Variants in BAHCC1 observed in about 807,000 individuals in gnomAD.
The protein encoded by BAHCC1 is BAH and coiled-coil domain-containing protein 1.
Under a neutral mutation model 88.2 loss-of-function variants are expected in BAHCC1, and 43 were observed. The observed-to-expected ratio is 0.49, with a 90% confidence interval of 0.38 to 0.63. The LOEUF is 0.63. Ranked by LOEUF, BAHCC1 falls within the 20% of genes least tolerant of loss-of-function variation. BAHCC1 has a pLI of 0.00. For missense variants in BAHCC1, 3,023 were observed against 1,654.8 expected (o/e 1.83, Z -14.34); for synonymous variants, 1,510 against 745.5 (o/e 2.03, Z -16.71).
At chr17:81,458,097 A>G (rs1454820959) in intron 17 of BAHCC1, 68 bp from the exon 18 acceptor site, 1 of 702,990 alleles carries the variant, frequency 1.4e-6, no homozygotes, top group African/African-American at 1.8e-5. Flanking sequence ...GAGGACCGGC[A>G]CAGTCAGCCC....
chr17:81,400,067 T>A (rs2063794680), intron 2 of BAHCC1, 150 bp downstream of exon 2: 1 of 717,140 alleles, frequency 1.4e-6, no homozygotes, highest in Non-Finnish European at 1.9e-6. Flanking sequence ...GGGCCGCGCG[T>A]CCCGCCAGCC....
chr17:81,419,452 C>T (rs918674300), intron 2 of BAHCC1, among the ~76,000 whole-genome samples: 98 of 152,274 alleles, frequency 6.4e-4, no homozygotes, highest in Non-Finnish European at 1.2e-3. Context: ...CCTCCCCTCC[C>T]GTCCTGCACA....
At chr17:81,430,384 G>C (rs2064246935) in intron 3 of BAHCC1, among the ~76,000 whole-genome samples, 1 of 152,112 alleles carries the variant, frequency 6.6e-6, no homozygotes, top group Non-Finnish European at 1.5e-5. Flanking sequence ...GGGGCGGCAG[G>C]CACACACACG....
chr17:81,445,730 C>T (rs1005463552), intron 10 of BAHCC1, 49 bp downstream of exon 10: 23 of 699,578 alleles, frequency 3.3e-5, no homozygotes, highest in African/African-American at 2.6e-4. Context: ...TCCAAGCCCT[C>T]CCACCCCTGC....
At position 81,447,801 on chromosome 17, in the gene BAHCC1, TG is replaced by T; in HGVS notation, c.3931del (p.Ala1311LeufsTer22). ...GIHGIALLSE[L>X]ADLAIQRQRS... ...CATGGGATCGCTCTGCTCAGCGAGC[TG>T]GCTGACCTGGCAATCCAGCGGCAGA... On this transcript the variant is annotated frameshift_variant, in exon 11 of 28. Coordinates refer to ENST00000675386, the MANE Select transcript of BAHCC1 (RefSeq NM_001377448.1). LOFTEE classifies it high-confidence loss of function. 2.7e-6 allele frequency: 2 copies of T among 751,474 alleles called. No individual in the cohort carries two copies. The allele number at this position is 751,474 out of a possible 1,614,324, so 46.6% of individuals were successfully genotyped here. A position where few individuals can be genotyped will look rare whatever the true frequency, so the allele number is the denominator to read the frequency against.
intron 2 of BAHCC1, among the ~76,000 whole-genome samples, chr17:81,425,381 T>C (rs2064171562): frequency 5.4e-4 from 7 of 12,930 alleles, no homozygotes; most frequent in South Asian, 4.0e-3. Context: ...TGGTTGGTGG[T>C]GTGGTTGGTG....
At chr17:81,436,635 C>G (rs1331887253) in intron 3 of BAHCC1, among the ~76,000 whole-genome samples, 1 of 145,198 alleles carries the variant, frequency 6.9e-6, no homozygotes, top group Non-Finnish European at 1.5e-5. Flanking sequence ...CAGCTTTGGT[C>G]GAATCTTCCA....
chr17:81,444,414 C>T lies in BAHCC1; in HGVS notation c.2358C>T (p.Ile786=). 1 of 749,990 alleles carries T rather than the reference C, an allele frequency of 1.3e-6. No individual in the cohort carries two copies. The highest frequency in any genetic ancestry group is 2.5e-6 in the Non-Finnish European group (1 of 404,646). 46.5% of individuals were successfully genotyped at this position (749,990 alleles called of 1,614,324 possible). A position where few individuals can be genotyped will look rare whatever the true frequency, so the allele number is the denominator to read the frequency against. ...DSKDRVEFAR[I]HPPSSCPGDL... is the part of the protein sequence containing the mutation. ...AAGACCGCGTAGAGTTCGCCCGGATCCACCCACCGAGCAGCTGCCCTGGGG... is the reference window on the plus strand; with the variant it reads ...AAGACCGCGTAGAGTTCGCCCGGATTCACCCACCGAGCAGCTGCCCTGGGG... Residue 786 remains isoleucine, a synonymous_variant, in exon 7 of 28, where the codon ATC becomes ATT. Transcript: ENST00000675386.
At chr17:81,398,783 G>A (rs1598443336) in intron 1 of BAHCC1, among the ~76,000 whole-genome samples, 1 of 151,734 alleles carries the variant, frequency 6.6e-6, no homozygotes, top group East Asian at 2.0e-4. Context: ...GGGCCTCCGG[G>A]GCTCTGAGGA....
chr17:81,460,005 G>C (rs888184224), intron 23 of BAHCC1, among the ~76,000 whole-genome samples: 1 of 152,192 alleles, frequency 6.6e-6, no homozygotes. Flanking sequence ...GGCGGGACTC[G>C]GCTGGGAGGT....
At chr17:81,413,059 C>T (rs899288) in intron 2 of BAHCC1, 13,547 of 404,984 alleles carry the variant, frequency 0.033, 831 homozygotes, top group African/African-American at 0.17. Context: ...AGGTCCCGCC[C>T]ACACCAAGCG....
intron 2 of BAHCC1, among the ~76,000 whole-genome samples, chr17:81,415,022 C>T (rs2064001829): frequency 6.6e-6 from 1 of 152,244 alleles, no homozygotes. Context: ...GCCGTGCACT[C>T]TGCACGTTTG....
In BAHCC1 at chr17:81,411,244, C is replaced by T. The variant is rs56931525; in HGVS notation, c.178+11327C>T. On this transcript the variant is annotated intron_variant, in intron 2 of 27. Coordinates refer to ENST00000675386, the MANE Select transcript of BAHCC1 (RefSeq NM_001377448.1). This position sits in a 1 kb window ranked among gnomAD's most constrained non-coding sequence, Gnocchi z 6.2. ...GGGCCCCAGGAGGACTCGCCACCCCCAGTTGAGCAGCTCCCCTTCTCGGCA... is the reference window on the plus strand; with the variant it reads ...GGGCCCCAGGAGGACTCGCCACCCCTAGTTGAGCAGCTCCCCTTCTCGGCA... 128,225 of 504,304 alleles carry T rather than the reference C, an allele frequency of 0.25. 18,174 individuals are homozygous for T. Among genetic ancestry groups the T allele is most frequent in the East Asian group, 0.48 (8,516 of 17,790 alleles). 31.2% of individuals were successfully genotyped at this position (504,304 alleles called of 1,614,324 possible).
At position 81,399,687 on chromosome 17, in the gene BAHCC1, C is replaced by A; in HGVS notation, c.-53C>A. On this transcript the variant is annotated 5_prime_UTR_variant, in exon 2 of 28. Transcript: ENST00000675386. This position sits in a 1 kb window ranked among gnomAD's most constrained non-coding sequence, Gnocchi z 4.5. The stretch of plus-strand genomic sequence containing the variant: ...GCCCGCGCGCCGAGCCGCCCCCGGG[C>A]CCCGGCCGCGCTGCTCCGAGGAAGC... The A allele has an allele frequency of 1.0e-6, 1 of 989,914 alleles. No individual in the cohort carries two copies. Among genetic ancestry groups the A allele is most frequent in the East Asian group, 1.1e-4 (1 of 9,360 alleles). 61.3% of individuals were successfully genotyped at this position (989,914 alleles called of 1,614,324 possible).
chr17:81,404,606 G>A (rs528649259), intron 2 of BAHCC1, among the ~76,000 whole-genome samples: 1 of 152,326 alleles, frequency 6.6e-6, no homozygotes, highest in East Asian at 1.9e-4. Context: ...AAAAGAACTG[G>A]CAAGGCACGG....
chr17:81,419,770 G>A (rs1212107013), intron 2 of BAHCC1, among the ~76,000 whole-genome samples: 2 of 150,342 alleles, frequency 1.3e-5, no homozygotes, highest in African/African-American at 4.9e-5. Flanking sequence ...CTCTGGAGCT[G>A]CCGCCATCTC....
intron 3 of BAHCC1, among the ~76,000 whole-genome samples, chr17:81,428,832 C>T (rs1021153453): frequency 1.2e-3 from 180 of 152,378 alleles, no homozygotes; most frequent in Middle Eastern, 3.4e-3. Context: ...ACATGGGGCC[C>T]GGCATCGGTG....
chr17:81,459,622 C>T lies in BAHCC1; in HGVS notation c.5905+18C>T, dbSNP rs368006583. The T allele has an allele frequency of 3.0e-5, 23 of 779,220 alleles. No homozygotes were observed. Among genetic ancestry groups the T allele is most frequent in the Admixed American group, 6.8e-5 (4 of 58,994 alleles). The allele number at this position is 779,220 out of a possible 1,614,324, so 48.3% of individuals were successfully genotyped here. A position where few individuals can be genotyped will look rare whatever the true frequency, so the allele number is the denominator to read the frequency against. On this transcript the variant is annotated intron_variant, in intron 23 of 27. Coordinates refer to ENST00000675386, the MANE Select transcript of BAHCC1 (RefSeq NM_001377448.1). ...GGTCCGGGGTAAGTTGCACCCAAAG[C>T]GGGGGCTGGGGCAGGCCCCTCTGAG...
chr17:81,458,742 C>T lies in BAHCC1; in HGVS notation c.5448+17C>T. On this transcript the variant is annotated intron_variant, in intron 19 of 27. Transcript: ENST00000675386. ...GGCAAGCAGGTAGCAGCCCCCCACT[C>T]TGGGAGCCCACTGTGCACCCACCTG... is the stretch of plus-strand genomic sequence containing the variant. The T allele has an allele frequency of 1.3e-6, 1 of 740,762 alleles. No individual in the cohort carries two copies. Among genetic ancestry groups the T allele is most frequent in the Non-Finnish European group, 2.5e-6 (1 of 398,540 alleles). The allele number at this position is 740,762 out of a possible 1,614,324, so 45.9% of individuals were successfully genotyped here. A position where few individuals can be genotyped will look rare whatever the true frequency, so the allele number is the denominator to read the frequency against.
Sources: gnomAD v4.1 joint callset for allele counts (sites outside exome capture counted in the v4.1 genomes callset) on GRCh38, gnomAD v4.1.1 for gene constraint, Gnocchi (gnomAD v3.1) non-coding constraint, MANE v1.5 for transcripts, NCBI Gene and HGNC (gene_info 2026-07-23, HGNC 2026-07-21) for gene names.